Variants in LIPE observed in about 807,000 individuals in gnomAD.
The protein encoded by LIPE is hormone-sensitive lipase.
A neutral mutation model predicts 88.5 loss-of-function variants in LIPE; 66 were observed. The observed-to-expected ratio is 0.75, with a 90% CI of 0.61 to 0.91. The LOEUF is 0.91. Ranked by LOEUF, LIPE falls within the 40% of genes least tolerant of loss-of-function variation. The pLI is 0.00. For synonymous variants in LIPE, 570 were observed against 617.5 expected (o/e 0.92, Z 1.14); for missense variants, 1,346 against 1,434.7 (o/e 0.94, Z 1.00).
intron 1 of LIPE, chr19:42,412,564 C>T (rs559968735): frequency 1.1e-5 from 11 of 986,664 alleles, no homozygotes; most frequent in East Asian, 1.1e-4. Flanking sequence ...TGCTCTGCCC[C>T]CCACCTGCTC....
At chr19:42,420,227 T>G (rs1260429079) in intron 1 of LIPE, among the ~76,000 whole-genome samples, 1 of 152,004 alleles carries the variant, frequency 6.6e-6, no homozygotes, top group African/African-American at 2.4e-5. Context: ...ATCTCTGCTG[T>G]GTTTCTGTGT....
chr19:42,407,621 G>T lies in LIPE; in HGVS notation c.1827C>A (p.Asp609Glu). The T allele has an allele frequency of 6.2e-7, 1 of 1,610,658 alleles. No individual in the cohort carries two copies. Among genetic ancestry groups the T allele is most frequent in the Non-Finnish European group, 8.5e-7 (1 of 1,178,178 alleles). Residue 609 changes from aspartate (D) to glutamate (E), a missense_variant, in exon 5 of 10, where the codon GAC becomes GAA. Physicochemically the swap from Asp to Glu is conservative, Grantham distance 45. Coordinates refer to ENST00000244289, the MANE Select transcript of LIPE (RefSeq NM_005357.4). This position sits in a 1 kb window ranked among gnomAD's most constrained non-coding sequence, Gnocchi z 5.8. ...GGAACCCTACCTGTCCTTCACGCAG[G>T]TCATAGGAGATGAGCCTGACGAGGA... ...GPVLVRLISY[D>E]LREGQDSEEL...
Position 42,426,949 on chromosome 19 carries a change from A to G in LIPE, c.201T>C (p.His67=), listed in dbSNP as rs770240873. Residue 67 remains histidine (H), a synonymous_variant, in exon 1 of 10, where the codon CAT becomes CAC. Transcript: ENST00000244289. ...TAGGTTCCTTCTGGGATTCAGCATC[A>G]TGTTGTGCAGGGGTCTCCTGCTGGG... is the stretch of plus-strand genomic sequence containing the variant. ...PLTQQETPAQ[H]DAESQKEPRA... is the part of the protein sequence containing the mutation. 1.2e-5 allele frequency: 19 copies of G among 1,613,974 alleles called. No individual in the cohort carries two copies. The highest frequency in any genetic ancestry group is 1.6e-4 in the Middle Eastern group (1 of 6,062).
At position 42,406,867 on chromosome 19, in the gene LIPE, G is replaced by A. The variant is rs1383872139; in HGVS notation, c.2137+307C>T. Among the ~76,000 whole-genome samples, 2 of 152,212 alleles carry A rather than the reference G, an allele frequency of 1.3e-5. No homozygotes were observed. Among genetic ancestry groups the A allele is most frequent in the Admixed American group, 1.3e-4 (2 of 15,282 alleles). ...AGAGGGAGGTCAGAGAAGCTGGACT[G>A]TGGGCCAGGAGGCTGGTAGGACAGG... On this transcript the variant is annotated intron_variant, in intron 6 of 9. Transcript: ENST00000244289. This position sits in a 1 kb window ranked among gnomAD's most constrained non-coding sequence, Gnocchi z 5.7.
At chr19:42,404,698 C>CA (rs1427852038) in intron 8 of LIPE, among the ~76,000 whole-genome samples, 1 of 152,144 alleles carries the variant, frequency 6.6e-6, no homozygotes, top group Non-Finnish European at 1.5e-5. Context: ...AGGTGAGGTG[C>CA]AAAACAATGT....
Position 42,407,675 on chromosome 19 carries a change from G to A in LIPE, c.1773C>T (p.Pro591=), listed in dbSNP as rs2040231951. ...GCCCAGGGCCTGTGTGGGCCAGTGG[G>A]GGTGAGATGGTGACCGTGAGCGTGG... ...ADPTLTVTIS[P]PLAHTGPGPV... The change falls in exon 5 of 10, where the codon CCC becomes CCT. Residue 591 remains proline, a synonymous_variant. Transcript: ENST00000244289. The surrounding 1 kb of genome is among the most constrained non-coding windows in gnomAD (Gnocchi z 5.8). 4 of 1,606,870 alleles carry A rather than the reference G, an allele frequency of 2.5e-6. No individual in the cohort carries two copies. Among genetic ancestry groups the A allele is most frequent in the South Asian group, 1.1e-5 (1 of 90,126 alleles).
At position 42,401,908 on chromosome 19, in the gene LIPE, C is replaced by T. The variant is rs1356572474; in HGVS notation, c.3135G>A (p.Glu1045=). 6.4e-7 allele frequency: 1 copy of T among 1,551,152 alleles called. No individual in the cohort carries two copies. Among genetic ancestry groups the T allele is most frequent in the Non-Finnish European group, 8.7e-7 (1 of 1,153,968 alleles). The change falls in exon 10 of 10, where the codon GAG becomes GAA. Residue 1045 remains glutamate, a synonymous_variant. Coordinates refer to ENST00000244289, the MANE Select transcript of LIPE (RefSeq NM_005357.4). ...ETRQAAELCV[E]RIRLVLTPPA... ...GAGGAGTGAGGACGAGGCGGATGCG[C>T]TCCACGCACAGCTCTGCGGCCTGGC...
Position 42,401,545 on chromosome 19 carries a change from AC to A in LIPE, c.*266del. The A allele has an allele frequency of 4.3e-6, 2 of 468,980 alleles. No individual in the cohort carries two copies. Among genetic ancestry groups the A allele is most frequent in the Non-Finnish European group, 7.5e-6 (2 of 266,732 alleles). The allele number at this position is 468,980 out of a possible 1,614,324, so 29.1% of individuals were successfully genotyped here. ...AATACTTTTATTTACAACAAACCAA[AC>A]CGACCTGCAAGGGAGGGCCAGTCCC... On this transcript the variant is annotated 3_prime_UTR_variant, in exon 10 of 10. Coordinates refer to ENST00000244289, the MANE Select transcript of LIPE (RefSeq NM_005357.4).
intron 1 of LIPE, chr19:42,424,181 T>A: frequency 1.9e-6 from 2 of 1,072,548 alleles, no homozygotes; most frequent in Non-Finnish European, 2.5e-6. Context: ...CTCCGCCCCC[T>A]AATCCATGCT....
rs777511400 is a variant in LIPE at position 42,410,559 on chromosome 19, G to T, written c.1167C>A (p.His389Gln). ...TARCCLAHLL[H>Q]KSRYVASNRR... Reference sequence around the variant, plus strand: ...GGTTGGAGGCCACATAGCGGGATTTGTGCAGGAGGTGCGCCAGGCAGCAGC... The same window carrying T: ...GGTTGGAGGCCACATAGCGGGATTTTTGCAGGAGGTGCGCCAGGCAGCAGC... Residue 389 changes from histidine (H) to glutamine (Q), a missense_variant, in exon 2 of 10, where the codon CAC becomes CAA. Coordinates refer to ENST00000244289, the MANE Select transcript of LIPE (RefSeq NM_005357.4). The surrounding 1 kb of genome is among the most constrained non-coding windows in gnomAD (Gnocchi z 6.1). 2 of 1,612,726 alleles carry T rather than the reference G, an allele frequency of 1.2e-6. No individual in the cohort carries two copies. The highest frequency in any genetic ancestry group is 2.7e-5 in the African/African-American group (2 of 74,920).
At position 42,408,410 on chromosome 19, in the gene LIPE, CACAT is replaced by C; in HGVS notation, c.1420-92_1420-89del. ...GAGGCACAGGGATGTGCGGGGAAGA[CACAT>C]TCATTCAGTAAACGTTTCATGAGCT... On this transcript the variant is annotated intron_variant, in intron 2 of 9. Coordinates refer to ENST00000244289, the MANE Select transcript of LIPE (RefSeq NM_005357.4). This position sits in a 1 kb window ranked among gnomAD's most constrained non-coding sequence, Gnocchi z 4.3. 2 of 1,044,144 alleles carry C rather than the reference CACAT, an allele frequency of 1.9e-6. No individual in the cohort carries two copies. The highest frequency in any genetic ancestry group is 1.5e-6 in the Non-Finnish European group (1 of 670,114). The allele number at this position is 1,044,144 out of a possible 1,614,324, so 64.7% of individuals were successfully genotyped here.
At chr19:42,411,204 C>T (rs2040366826) in intron 1 of LIPE, 2 of 641,610 alleles carry the variant, frequency 3.1e-6, no homozygotes, top group Non-Finnish European at 1.9e-6. Context: ...AACTTGCTGC[C>T]CTGGCCTCCT....
intron 9 of LIPE, 39 bp downstream of exon 9, chr19:42,402,568 T>C: frequency 7.0e-7 from 1 of 1,435,856 alleles, no homozygotes; most frequent in Non-Finnish European, 9.2e-7. Context: ...GCCCTGCTCT[T>C]CTCTAAATGC....
At chr19:42,424,448 G>A (rs1321708129) in intron 1 of LIPE, 2 of 456,130 alleles carry the variant, frequency 4.4e-6, no homozygotes, top group Non-Finnish European at 8.8e-6. Flanking sequence ...TGTGGGGCGG[G>A]CATCCCTTGA....
rs758545089 is a variant in LIPE at position 42,407,394 on chromosome 19, C to T, written c.1917G>A (p.Gln639=). The part of the protein sequence containing the change: ...RSLELWPRPQ[Q]APRSRSLIVH... ...CTATCAGGGACCGCGAGCGGGGTGC[C>T]TGCTGGGGGCGCGGCCACAGCTCCA... Residue 639 remains glutamine (Q), a synonymous_variant, in exon 6 of 10, where the codon CAG becomes CAA. Coordinates refer to ENST00000244289, the MANE Select transcript of LIPE (RefSeq NM_005357.4). This position sits in a 1 kb window ranked among gnomAD's most constrained non-coding sequence, Gnocchi z 5.8. 2 of 1,613,708 alleles carry T rather than the reference C, an allele frequency of 1.2e-6. No homozygotes were observed. Among genetic ancestry groups the T allele is most frequent in the Middle Eastern group, 1.7e-4 (1 of 6,058 alleles).
At chr19:42,424,324 G>A (rs1279734317) in intron 1 of LIPE, 5 of 458,392 alleles carry the variant, frequency 1.1e-5, no homozygotes, top group Non-Finnish European at 2.2e-5. Flanking sequence ...AAACAGAGGA[G>A]GCTCGAGGCT....
chr19:42,412,199 G>T, intron 1 of LIPE: 1 of 885,072 alleles, frequency 1.1e-6, no homozygotes, highest in Non-Finnish European at 1.4e-6. Flanking sequence ...TGTCACCCAG[G>T]TCCTGAACAA....
intron 1 of LIPE, chr19:42,422,849 CG>C (rs1054010811): frequency 6.5e-6 from 1 of 154,270 alleles, no homozygotes; most frequent in African/African-American, 2.4e-5. Flanking sequence ...CCAGTGGAGC[CG>C]GCTGAAGCGG....
At chr19:42,413,875 AGGGCAGAGGGG>A (rs2040434888) in intron 1 of LIPE, among the ~76,000 whole-genome samples, 1 of 152,302 alleles carries the variant, frequency 6.6e-6, no homozygotes, top group Middle Eastern at 3.4e-3. Context: ...AAGCAGAGCG[AGGGCAGAGGGG>A]CTAGTTAGCT....
Sources: allele counts gnomAD v4.1 joint callset (sites outside exome capture counted in the v4.1 genomes callset), GRCh38; gene constraint gnomAD v4.1.1; non-coding constraint Gnocchi (gnomAD v3.1); transcripts MANE v1.5; gene names NCBI Gene and HGNC (gene_info 2026-07-23, HGNC 2026-07-21).